CNTN5: variants seen among roughly 807,000 people sequenced by gnomAD.
CNTN5 encodes contactin-5.
CNTN5 carries 77 observed loss-of-function variants against 129.1 expected under a neutral mutation model. The observed-to-expected ratio is 0.60, with a 90% CI of 0.50 to 0.72. The LOEUF (loss-of-function observed/expected upper bound fraction) is 0.72. CNTN5 is among the 30% of genes least tolerant of loss of function. CNTN5 has a pLI of 0.00. For missense variants in CNTN5, 1,478 were observed against 1,328.8 expected, an observed-to-expected ratio of 1.11 and a Z score of -1.75; for synonymous variants, 509 against 465.6, an observed-to-expected ratio of 1.09 and a Z score of -1.20.
intron 1 of CNTN5, among the ~76,000 whole-genome samples, chr11:99,259,768 C>T (rs935681735): frequency 6.6e-6 from 1 of 151,634 alleles, no homozygotes; most frequent in Non-Finnish European, 1.5e-5. Context: ...AATAAGAGTA[C>T]CTTTTGCTCT....
At chr11:99,857,711 G>A (rs1194458536) in intron 6 of CNTN5, among the ~76,000 whole-genome samples, 4 of 151,822 alleles carry the variant, frequency 2.6e-5, no homozygotes, top group African/African-American at 4.8e-5. Context: ...AGATACCCCC[G>A]AAAAATATAG....
chr11:99,028,950 G>T (rs10892660), intron 1 of CNTN5, among the ~76,000 whole-genome samples: 44,426 of 151,460 alleles, frequency 0.29, 8,144 homozygotes, highest in East Asian at 0.56. Context: ...TAATAATATA[G>T]CTAACATAGG....
At chr11:99,316,545 T>C (rs1306366111) in intron 1 of CNTN5, among the ~76,000 whole-genome samples, 1 of 152,150 alleles carries the variant, frequency 6.6e-6, no homozygotes, top group Non-Finnish European at 1.5e-5. Flanking sequence ...CTCATATGTT[T>C]TAATAAGTTT....
intron 9 of CNTN5, among the ~76,000 whole-genome samples, chr11:100,056,558 C>T (rs1440996039): frequency 6.6e-6 from 1 of 151,504 alleles, no homozygotes; most frequent in Non-Finnish European, 1.5e-5. Flanking sequence ...ATAATTACAA[C>T]TCTAAAAATA....
intron 1 of CNTN5, among the ~76,000 whole-genome samples, chr11:99,297,911 A>C (rs192512035): frequency 6.6e-6 from 1 of 152,302 alleles, no homozygotes; most frequent in Non-Finnish European, 1.5e-5. Flanking sequence ...AAGCCAGTTC[A>C]TTCCTGTATC....
At chr11:100,193,807 T>G in intron 15 of CNTN5, 144 bp downstream of exon 15, 1 of 671,748 alleles carries the variant, frequency 1.5e-6, no homozygotes, top group Non-Finnish European at 2.4e-6. Context: ...CTGCCATTAT[T>G]TTATGTTATG....
At chr11:100,280,123 T>C (rs940274305) in intron 18 of CNTN5, among the ~76,000 whole-genome samples, 5 of 151,820 alleles carry the variant, frequency 3.3e-5, no homozygotes, top group Non-Finnish European at 7.4e-5. Context: ...TCCTTGAGAA[T>C]AACCTATGTG....
At chr11:99,987,236 A>G (rs924662432) in intron 8 of CNTN5, among the ~76,000 whole-genome samples, 10 of 152,114 alleles carry the variant, frequency 6.6e-5, no homozygotes, top group African/African-American at 2.2e-4. Context: ...GTGAGGATCC[A>G]AAGGGAACAA....
At chr11:99,365,421 A>C (rs1472272417) in intron 2 of CNTN5, among the ~76,000 whole-genome samples, 1 of 152,154 alleles carries the variant, frequency 6.6e-6, no homozygotes, top group Non-Finnish European at 1.5e-5. Context: ...CTCCTTATTC[A>C]AATTTTGTGG....
At chr11:99,685,657 C>A (rs976531692) in intron 3 of CNTN5, among the ~76,000 whole-genome samples, 1 of 151,914 alleles carries the variant, frequency 6.6e-6, no homozygotes, top group Non-Finnish European at 1.5e-5. Flanking sequence ...GATAAGCAAG[C>A]TTTCTTTGGT....
At chr11:99,869,875 C>T (rs1948456957) in intron 6 of CNTN5, among the ~76,000 whole-genome samples, 1 of 152,084 alleles carries the variant, frequency 6.6e-6, no homozygotes, top group African/African-American at 2.4e-5. Context: ...TTTAAAATGT[C>T]AAAATTAAAA....
intron 2 of CNTN5, among the ~76,000 whole-genome samples, chr11:99,455,721 A>G (rs1490942401): frequency 6.6e-6 from 1 of 152,120 alleles, no homozygotes; most frequent in African/African-American, 2.4e-5. Flanking sequence ...ATTGTATGAG[A>G]ATGGGGAATT....
At chr11:100,043,865 C>T (rs1942506515) in intron 9 of CNTN5, among the ~76,000 whole-genome samples, 1 of 151,588 alleles carries the variant, frequency 6.6e-6, no homozygotes, top group African/African-American at 2.4e-5. Context: ...TCATAAATTC[C>T]TTGAGTTATT....
intron 2 of CNTN5, among the ~76,000 whole-genome samples, chr11:99,515,623 C>T (rs1189678233): frequency 1.3e-5 from 2 of 151,918 alleles, no homozygotes; most frequent in Admixed American, 6.6e-5. Context: ...AATGTAAAAG[C>T]TTTGCCTTAA....
At chr11:99,848,341 A>G (rs1947768287) in intron 6 of CNTN5, among the ~76,000 whole-genome samples, 1 of 152,176 alleles carries the variant, frequency 6.6e-6, no homozygotes, top group Admixed American at 6.5e-5. Flanking sequence ...TAATGTCTGA[A>G]AGGATTTTTG....
At chr11:99,186,816 G>A (rs1246635368) in intron 1 of CNTN5, among the ~76,000 whole-genome samples, 1 of 151,968 alleles carries the variant, frequency 6.6e-6, no homozygotes, top group East Asian at 1.9e-4. Flanking sequence ...AAGAGGGGAT[G>A]GCTGAAAGGA....
intron 3 of CNTN5, among the ~76,000 whole-genome samples, chr11:99,575,509 CA>C (rs1196866188): frequency 6.6e-6 from 1 of 152,166 alleles, no homozygotes; most frequent in Non-Finnish European, 1.5e-5. Context: ...CATGCTAAAA[CA>C]ATCTTGAGAA....
At chr11:99,408,182 C>T (rs1049648159) in intron 2 of CNTN5, among the ~76,000 whole-genome samples, 6 of 151,622 alleles carry the variant, frequency 4.0e-5, no homozygotes, top group Admixed American at 6.6e-5. Context: ...ATTTCACTGG[C>T]GTTTTTGCAG....
chr11:99,304,088 C>T (rs1232493984), intron 1 of CNTN5, among the ~76,000 whole-genome samples: 1 of 152,086 alleles, frequency 6.6e-6, no homozygotes, highest in East Asian at 1.9e-4. Flanking sequence ...AGCTAAATGA[C>T]AGTTTTTCTT....
Sources: allele counts gnomAD v4.1 joint callset (sites outside exome capture counted in the v4.1 genomes callset), GRCh38; gene constraint gnomAD v4.1.1; transcripts MANE v1.5; gene names NCBI Gene and HGNC (gene_info 2026-07-23, HGNC 2026-07-21).